DNAH7: variants seen among roughly 807,000 people sequenced by gnomAD.
The protein encoded by DNAH7 is dynein axonemal heavy chain 7, also known as axonemal beta dynein heavy chain 7.
DNAH7 carries 397 observed loss-of-function variants against 444.6 expected under a neutral mutation model. That is an observed-to-expected ratio of 0.89 (90% CI 0.82 to 0.97). The LOEUF (loss-of-function observed/expected upper bound fraction) is 0.97. DNAH7 is among the 50% of genes least tolerant of loss of function. The pLI is 0.00. For missense variants in DNAH7, 4,902 were observed against 4,800.8 expected, an observed-to-expected ratio of 1.02 and a Z score of -0.62; for synonymous variants, 1,636 against 1,624.4, an observed-to-expected ratio of 1.01 and a Z score of -0.17.
chr2:195,958,656 G>C (rs538111516), intron 18 of DNAH7, among the ~76,000 whole-genome samples: 1 of 152,270 alleles, frequency 6.6e-6, no homozygotes, highest in African/African-American at 2.4e-5. Context: ...TTATCAGTTT[G>C]TTTCTAAGTA....
At chr2:196,051,298 A>C (rs200707444) in intron 2 of DNAH7, 49 bp from the exon 3 acceptor site, 3 of 1,508,160 alleles carry the variant, frequency 2.0e-6, no homozygotes, top group Non-Finnish European at 2.8e-6. Flanking sequence ...TGTTAGTGCT[A>C]AAATTGATTC....
chr2:195,876,567 C>G lies in DNAH7; in HGVS notation c.6094G>C (p.Gly2032Arg), dbSNP rs933576639. The G allele has an allele frequency of 6.2e-7, 1 of 1,613,642 alleles. No individual in the cohort carries two copies. Among genetic ancestry groups the G allele is most frequent in the African/African-American group, 1.3e-5 (1 of 74,894 alleles). Reference protein sequence around the residue: ...KLDKRRKGVFGPPLGKRMVVF... With the variant: ...KLDKRRKGVFRPPLGKRMVVF... The stretch of plus-strand genomic sequence containing the variant: ...ACCATTCTCTTGCCCAAAGGAGGAC[C>G]AAAAACTCCCTTTCTTCTCTTGTCC... The change falls in exon 37 of 65, where the codon GGT (glycine) becomes CGT (arginine). Residue 2032 changes from glycine to arginine, a missense_variant. Transcript: ENST00000312428.
At chr2:195,900,018 A>G (rs1367549808) in intron 28 of DNAH7, among the ~76,000 whole-genome samples, 2 of 152,212 alleles carry the variant, frequency 1.3e-5, no homozygotes, top group East Asian at 1.9e-4. Flanking sequence ...CATTCAAAAC[A>G]TTTCTCAGGA....
rs182568547 is a variant in DNAH7, at chr2:195,938,396, T to C, written c.3079-1604A>G. Among the ~76,000 whole-genome samples, 6 of 137,666 alleles carry C rather than the reference T, an allele frequency of 4.4e-5. No homozygotes were observed. The South Asian group carries it at 1.2e-3, about 26-fold the overall frequency. 90.3% of individuals were successfully genotyped at this position (137,666 alleles called of 152,430 possible). On this transcript the variant is annotated intron_variant, in intron 19 of 64. Transcript: ENST00000312428. Reference sequence around the variant, plus strand: ...CACACACACACAAACACACACAGCATAACAGACTCAGGCCATCATGTTCGC... The same window carrying C: ...CACACACACACAAACACACACAGCACAACAGACTCAGGCCATCATGTTCGC...
intron 58 of DNAH7, 63 bp from the exon 59 acceptor site, chr2:195,778,048 G>C: frequency 7.3e-7 from 1 of 1,370,004 alleles, no homozygotes; most frequent in Non-Finnish European, 9.6e-7. Flanking sequence ...CGTGTTTCTT[G>C]TTTTTTCCTA....
chr2:195,981,689 A>T (rs181368386), intron 15 of DNAH7, among the ~76,000 whole-genome samples: 1 of 152,304 alleles, frequency 6.6e-6, no homozygotes, highest in East Asian at 1.9e-4. Flanking sequence ...TTTTCGAGAA[A>T]AATGCCAAGA....
At chr2:195,740,599 GTGTGTGTGTGTGTGTGTATATA>G (rs1484606625) in intron 64 of DNAH7, among the ~76,000 whole-genome samples, 145 bp downstream of exon 64, 15 of 34,868 alleles carry the variant, frequency 4.3e-4, no homozygotes, top group Admixed American at 2.9e-3. Flanking sequence ...GTGTGTGTGT[GTGTGTGTGTGTGTGTGTATATA>G]TATATATATA....
rs765415735 is a variant in DNAH7, at chr2:195,888,287, A to T, written c.5377T>A (p.Ser1793Thr). ...MGLFDRMVPV[S>T]VEFIRKHTKE... ...GTATGCTTTCTAATAAATTCAACCG[A>T]AACAGGGACCATTCTGTCAAATAAG... The change falls in exon 33 of 65, where the codon TCG (serine) becomes ACG (threonine). Residue 1793 changes from serine to threonine, a missense_variant. Ser to Thr is a moderately conservative substitution (Grantham distance 58). Coordinates refer to ENST00000312428, the MANE Select transcript of DNAH7 (RefSeq NM_018897.3). The T allele has an allele frequency of 6.2e-7, 1 of 1,610,736 alleles. No homozygotes were observed. Among genetic ancestry groups the T allele is most frequent in the East Asian group, 2.2e-5 (1 of 44,698 alleles).
rs567345134 is a variant in DNAH7, at chr2:196,057,482, T to TA, written c.78+571dup. ...GAAACAAGATAAATATTTGCAGAAC[T>TA]AAAAAAAATGCTTTGATTCTATTTT... On this transcript the variant is annotated intron_variant, in intron 2 of 64. Transcript: ENST00000312428. Among the ~76,000 whole-genome samples the TA allele has an allele frequency of 3.9e-3, 598 of 152,060 alleles. 3 individuals carry two copies. Among genetic ancestry groups the TA allele is most frequent in the Middle Eastern group, 0.014 (4 of 294 alleles).
rs909136389 is a variant in DNAH7, at chr2:195,875,825, C to T, written c.6136G>A (p.Val2046Ile). 1 of 1,602,626 alleles carries T rather than the reference C, an allele frequency of 6.2e-7. No homozygotes were observed. The highest frequency in any genetic ancestry group is 8.5e-7 in the Non-Finnish European group (1 of 1,176,792). The change falls in exon 38 of 65, where the codon GTC (valine) becomes ATC (isoleucine). Residue 2046 changes from valine to isoleucine, a missense_variant. Val to Ile is a conservative substitution (Grantham distance 29). Coordinates refer to ENST00000312428, the MANE Select transcript of DNAH7 (RefSeq NM_018897.3). The part of the protein sequence containing the change: ...GKRMVVFVDD[V>I]NMPAREVYGA... ...TATACCTCCCGAGCAGGCATATTGA[C>T]ATCATCTACAAAGACAACCTGAGAA... is the stretch of plus-strand genomic sequence containing the variant.
chr2:195,877,155 A>G (rs1316894029), intron 36 of DNAH7, among the ~76,000 whole-genome samples: 2 of 152,226 alleles, frequency 1.3e-5, no homozygotes, highest in East Asian at 3.8e-4. Context: ...ACCAGGTGGA[A>G]TTACAATGGT....
chr2:195,844,911 T>TA, intron 47 of DNAH7, 91 bp downstream of exon 47: 1 of 1,171,454 alleles, frequency 8.5e-7, no homozygotes, highest in Non-Finnish European at 1.2e-6. Flanking sequence ...TTTAATACTG[T>TA]AAAAGTTTGC....
Position 195,857,422 on chromosome 2 carries a change from G to T in DNAH7, c.8369C>A (p.Ala2790Asp). Residue 2790 changes from alanine to aspartate, a missense_variant, in exon 44 of 65, where the codon GCC (alanine) becomes GAC (aspartate). By Grantham distance (126) the Ala-to-Asp change is moderately radical. Transcript: ENST00000312428. Reference sequence around the variant, plus strand: ...TATGACCCATTTGCACAGACCTTCGGCCGCTGTAGAAGCATTTCTGATTTT... The same window carrying T: ...TATGACCCATTTGCACAGACCTTCGTCCGCTGTAGAAGCATTTCTGATTTT... ...PEKIRNASTA[A>D]EGLCKWVIAM... The T allele has an allele frequency of 6.2e-7, 1 of 1,609,764 alleles. No homozygotes were observed. The highest frequency in any genetic ancestry group is 8.5e-7 in the Non-Finnish European group (1 of 1,178,614).
At chr2:196,049,283 GA>G (rs1183574609) in intron 3 of DNAH7, among the ~76,000 whole-genome samples, 1 of 152,058 alleles carries the variant, frequency 6.6e-6, no homozygotes, top group Non-Finnish European at 1.5e-5. Context: ...TCTTACACAG[GA>G]AAATAGGATA....
rs1466963441 is a variant in DNAH7, at chr2:195,787,250, C to A, written c.10717-79G>T. ...TATTTACCATATTTTAAAATGAAAG[C>A]AAATTTCTTTCATTTATAAATAGCA... On this transcript the variant is annotated intron_variant, in intron 57 of 64. Coordinates refer to ENST00000312428, the MANE Select transcript of DNAH7 (RefSeq NM_018897.3). The A allele has an allele frequency of 6.4e-6, 9 of 1,416,316 alleles. No homozygotes were observed. In the East Asian group the frequency reaches 1.7e-4, roughly 26 times the overall value. The allele number at this position is 1,416,316 out of a possible 1,614,324, so 87.7% of individuals were successfully genotyped here. A position where few individuals can be genotyped will look rare whatever the true frequency, so the allele number is the denominator to read the frequency against.
rs1181753967 is a variant in DNAH7, at chr2:195,969,076, T to C, written c.2205+872A>G. On this transcript the variant is annotated intron_variant, in intron 17 of 64. Coordinates refer to ENST00000312428, the MANE Select transcript of DNAH7 (RefSeq NM_018897.3). Reference sequence around the variant, plus strand: ...AATGCTTCTTTCAGTGATATGAAGTTAAAACCAGGTAACGTGATTGCTCAC... The same window carrying C: ...AATGCTTCTTTCAGTGATATGAAGTCAAAACCAGGTAACGTGATTGCTCAC... Among the ~76,000 whole-genome samples, 3 of 152,396 alleles carry C rather than the reference T, an allele frequency of 2.0e-5. No homozygotes were observed. The East Asian group carries it at 5.8e-4, about 29-fold the overall frequency.
At chr2:195,832,107 CCTA>C (rs1698104386) in intron 48 of DNAH7, among the ~76,000 whole-genome samples, 1 of 152,182 alleles carries the variant, frequency 6.6e-6, no homozygotes, top group Admixed American at 6.5e-5. Context: ...TGCCTTGCAG[CCTA>C]CTATGTTCTA....
chr2:195,965,944 C>T (rs1691445787), intron 17 of DNAH7, among the ~76,000 whole-genome samples: 2 of 151,688 alleles, frequency 1.3e-5, no homozygotes, highest in African/African-American at 4.8e-5. Flanking sequence ...TTCTTCATTG[C>T]AATTTTTAAA....
intron 49 of DNAH7, among the ~76,000 whole-genome samples, chr2:195,818,710 CCA>C (rs1697331459): frequency 6.6e-6 from 1 of 152,064 alleles, no homozygotes; most frequent in African/African-American, 2.4e-5. Context: ...GCACACTCAT[CCA>C]CACACACTGC....
Sources: gnomAD v4.1 joint callset for allele counts (sites outside exome capture counted in the v4.1 genomes callset) on GRCh38, gnomAD v4.1.1 for gene constraint, MANE v1.5 for transcripts, NCBI Gene and HGNC (gene_info 2026-07-23, HGNC 2026-07-21) for gene names.